CDH4: variants seen among roughly 807,000 people sequenced by gnomAD.
CDH4 encodes the protein cadherin-4.
Under a neutral mutation model 86.0 loss-of-function variants are expected in CDH4, and 33 were observed. The ratio of observed to expected loss-of-function variants is 0.38; its 90% CI spans 0.29 to 0.51. The LOEUF is 0.51. CDH4 is among the 20% of genes least tolerant of loss of function. The pLI is 0.86. For synonymous variants in CDH4, 555 were observed against 549.4 expected, an observed-to-expected ratio of 1.01 and a Z score of -0.14; for missense variants, 1,114 against 1,307.4, an observed-to-expected ratio of 0.85 and a Z score of 2.28.
intron 2 of CDH4, among the ~76,000 whole-genome samples, chr20:61,559,352 G>A (rs1307939827): frequency 6.6e-6 from 1 of 151,848 alleles, no homozygotes; most frequent in Non-Finnish European, 1.5e-5. Flanking sequence ...AAGTATTGCT[G>A]CTCGTTGGAA....
At chr20:61,543,663 AG>A (rs2086056245) in intron 2 of CDH4, among the ~76,000 whole-genome samples, 1 of 152,228 alleles carries the variant, frequency 6.6e-6, no homozygotes, top group African/African-American at 2.4e-5. Flanking sequence ...GGTTTCAGTC[AG>A]GGGGCTGGTG....
chr20:61,349,100 A>G (rs1376151149), intron 2 of CDH4, among the ~76,000 whole-genome samples: 1 of 152,188 alleles, frequency 6.6e-6, no homozygotes, highest in Non-Finnish European at 1.5e-5. Flanking sequence ...TGTGCTTGGA[A>G]GATCACACGT....
intron 9 of CDH4, among the ~76,000 whole-genome samples, chr20:61,921,475 G>T (rs1238592039): frequency 1.3e-5 from 2 of 152,262 alleles, no homozygotes; most frequent in African/African-American, 4.8e-5. Flanking sequence ...TTTTGGGCAG[G>T]GTGCAGTGGC....
chr20:61,528,819 G>A lies in CDH4; in HGVS notation c.170-214744G>A, dbSNP rs150036780. Among the ~76,000 whole-genome samples, 201 of 151,696 alleles carry A rather than the reference G, an allele frequency of 1.3e-3. 1 individual carries two copies. The highest frequency in any genetic ancestry group is 4.3e-3 in the African/African-American group (178 of 41,342). On this transcript the variant is annotated intron_variant, in intron 2 of 15. Transcript: ENST00000614565. The stretch of plus-strand genomic sequence containing the variant: ...CCTGGCTGCTCTCCCGTGTCTGGCC[G>A]TCCTTGGAAGGGGAACTCGTGATGA...
rs371805176 is a variant in CDH4, at chr20:61,928,338, C to T, written c.1920C>T (p.Val640=). Reference sequence around the variant, plus strand: ...ACATCACGGCGGCCGACGCTGACGTCGACCCCAACATCGGCCCCTACGTCT... The same window carrying T: ...ACATCACGGCGGCCGACGCTGACGTTGACCCCAACATCGGCCCCTACGTCT... The part of the protein sequence containing the change: ...AINITAADAD[V]DPNIGPYVFE... Residue 640 remains valine (V), a synonymous_variant, in exon 12 of 16, where the codon GTC becomes GTT. Transcript: ENST00000614565. 1.4e-5 allele frequency: 22 copies of T among 1,611,030 alleles called. No homozygotes were observed. Among genetic ancestry groups the T allele is most frequent in the Middle Eastern group, 3.3e-4 (2 of 6,084 alleles).
intron 8 of CDH4, among the ~76,000 whole-genome samples, chr20:61,901,640 G>A (rs573443081): frequency 1.5e-4 from 23 of 152,324 alleles, no homozygotes; most frequent in African/African-American, 5.3e-4. Context: ...AGATGCCCTC[G>A]TCCACACCGG....
rs561918853 is a variant in CDH4 at position 61,827,369 on chromosome 20, A to G, written c.577-17299A>G. ...AAGAAAAATCATAACTACTTTCAGTAACCATGTTGTTTGGGATTTATTGGT... is the reference window on the plus strand; with the variant it reads ...AAGAAAAATCATAACTACTTTCAGTGACCATGTTGTTTGGGATTTATTGGT... On this transcript the variant is annotated intron_variant, in intron 4 of 15. Coordinates refer to ENST00000614565, the MANE Select transcript of CDH4 (RefSeq NM_001794.5). 3.7e-4 allele frequency among the ~76,000 whole-genome samples: 57 copies of G among 152,358 alleles called. 1 individual carries two copies. Among genetic ancestry groups the G allele is most frequent in the African/African-American group, 1.3e-3 (53 of 41,582 alleles).
At position 61,743,613 on chromosome 20, in the gene CDH4, A is replaced by G; in HGVS notation, c.220A>G (p.Ser74Gly). Residue 74 changes from serine to glycine, a missense_variant, in exon 3 of 16, where the codon AGC becomes GGC. This residue lies in a region of CDH4 where 221 missense variants were observed against 209.5 expected (regional missense o/e 1.05). Transcript: ENST00000614565. ...GTKGTQYETN[S>G]MDFKVGADGT... ...CAAGGGGACACAATATGAGACCAAC[A>G]GCATGGACTTCAAAGTTGGGGCAGA... The G allele has an allele frequency of 6.3e-7, 1 of 1,585,006 alleles. No individual in the cohort carries two copies. The highest frequency in any genetic ancestry group is 8.6e-7 in the Non-Finnish European group (1 of 1,164,682).
chr20:61,901,589 G>A (rs1356022954), intron 8 of CDH4, among the ~76,000 whole-genome samples: 3 of 152,236 alleles, frequency 2.0e-5, no homozygotes, highest in Admixed American at 6.5e-5. Flanking sequence ...GCTGAGCTCC[G>A]GCTGGGCAAG....
chr20:61,294,056 G>A (rs1189379707), intron 2 of CDH4, among the ~76,000 whole-genome samples: 3 of 152,190 alleles, frequency 2.0e-5, no homozygotes, highest in Admixed American at 6.5e-5. Flanking sequence ...GGTGGTCAGT[G>A]TGGGTGGAGC....
intron 2 of CDH4, among the ~76,000 whole-genome samples, chr20:61,619,465 A>G (rs1351389801): frequency 6.6e-6 from 1 of 152,240 alleles, no homozygotes; most frequent in East Asian, 1.9e-4. Flanking sequence ...ACCTAAAAGC[A>G]AAATGATGAT....
At chr20:61,598,583 C>G (rs918136816) in intron 2 of CDH4, among the ~76,000 whole-genome samples, 1 of 152,120 alleles carries the variant, frequency 6.6e-6, no homozygotes, top group Admixed American at 6.5e-5. Context: ...GTGGAGATAC[C>G]CCTTTCCAGA....
chr20:61,532,482 A>C (rs960355481), intron 2 of CDH4, among the ~76,000 whole-genome samples: 1 of 152,198 alleles, frequency 6.6e-6, no homozygotes, highest in Non-Finnish European at 1.5e-5. Context: ...CCTGTGACTC[A>C]TCTTTAAAAA....
chr20:61,621,027 C>A (rs6061675), intron 2 of CDH4, among the ~76,000 whole-genome samples: 5 of 152,086 alleles, frequency 3.3e-5, no homozygotes, highest in Non-Finnish European at 7.4e-5. Context: ...TTATCTGTGT[C>A]CAAATAAGCG....
At chr20:61,786,927 A>G (rs1978910604) in intron 4 of CDH4, among the ~76,000 whole-genome samples, 1 of 152,230 alleles carries the variant, frequency 6.6e-6, no homozygotes, top group Non-Finnish European at 1.5e-5. Flanking sequence ...TCTGAGGACA[A>G]GTTTAAGGGT....
intron 2 of CDH4, among the ~76,000 whole-genome samples, chr20:61,674,117 G>C (rs1311019384): frequency 1.3e-5 from 2 of 152,170 alleles, no homozygotes; most frequent in Non-Finnish European, 2.9e-5. Flanking sequence ...CTGCAGCCCA[G>C]AATCTGTTCA....
Position 61,369,450 on chromosome 20 carries a change from C to CA in CDH4, c.169+114539dup, listed in dbSNP as rs144885482. Among the ~76,000 whole-genome samples, 492 of 56,622 alleles carry CA rather than the reference C, an allele frequency of 8.7e-3. 28 individuals carry two copies. The highest frequency in any genetic ancestry group is 0.018 in the East Asian group (31 of 1,676). 37.1% of individuals were successfully genotyped at this position (56,622 alleles called of 152,430 possible). A position where few individuals can be genotyped will look rare whatever the true frequency, so the allele number is the denominator to read the frequency against. ...TGGGTGACAGAGTGAGACTCTGTCT[C>CA]AAAAAAAAAAAAAAAAAAAAAAAAA... On this transcript the variant is annotated intron_variant, in intron 2 of 15. Coordinates refer to ENST00000614565, the MANE Select transcript of CDH4 (RefSeq NM_001794.5).
intron 2 of CDH4, among the ~76,000 whole-genome samples, chr20:61,344,099 G>A (rs553239164): frequency 4.6e-5 from 7 of 152,260 alleles, no homozygotes; most frequent in Non-Finnish European, 1.0e-4. Context: ...GAAGTTCCAC[G>A]TGAGCGGTCA....
At chr20:61,565,109 G>GGTGCTCTTGGTT (rs2086259327) in intron 2 of CDH4, among the ~76,000 whole-genome samples, 1 of 128,108 alleles carries the variant, frequency 7.8e-6, no homozygotes, top group African/African-American at 2.9e-5. Context: ...TGCTCTTGGT[G>GGTGCTCTTGGTT]GTGCTGGTGC....
Sources: gnomAD v4.1 joint callset for allele counts (sites outside exome capture counted in the v4.1 genomes callset) on GRCh38, gnomAD v4.1.1 for gene constraint, gnomAD v4.1.1 regional missense constraint, MANE v1.5 for transcripts, NCBI Gene and HGNC (gene_info 2026-07-23, HGNC 2026-07-21) for gene names.